Variants in PTPRD observed in about 807,000 individuals in gnomAD.
PTPRD encodes receptor-type tyrosine-protein phosphatase delta.
PTPRD carries 34 observed loss-of-function variants against 214.5 expected under a neutral mutation model. The ratio of observed to expected loss-of-function variants is 0.16; its 90% CI spans 0.12 to 0.21. PTPRD has a LOEUF of 0.21. PTPRD is among the 10% of genes least tolerant of loss of function. PTPRD has a pLI of 1.00. For synonymous variants in PTPRD, 1,128 were observed against 845.7 expected (o/e 1.33, Z -5.79); for missense variants, 2,545 against 2,398.7 (o/e 1.06, Z -1.27).
chr9:9,838,690 G>A (rs2057500362), intron 5 of PTPRD, among the ~76,000 whole-genome samples: 1 of 147,104 alleles, frequency 6.8e-6, no homozygotes, highest in South Asian at 2.1e-4. Context: ...AGTAGGTTGT[G>A]AAAATTTTCT....
chr9:8,437,248 G>T (rs955389801), intron 34 of PTPRD: 1 of 1,507,532 alleles, frequency 6.6e-7, no homozygotes, highest in Non-Finnish European at 8.9e-7. Context: ...ACCTGCAAAG[G>T]AAATGATGGT....
At chr9:8,447,111 C>T (rs1044856690) in intron 34 of PTPRD, among the ~76,000 whole-genome samples, 1 of 152,184 alleles carries the variant, frequency 6.6e-6, no homozygotes, top group Non-Finnish European at 1.5e-5. Context: ...GAATTGCTTA[C>T]CTGAGCTAAA....
chr9:8,644,610 T>A (rs1006499087), intron 12 of PTPRD, among the ~76,000 whole-genome samples: 1 of 152,232 alleles, frequency 6.6e-6, no homozygotes, highest in East Asian at 1.9e-4. Flanking sequence ...TGGGGCCTAG[T>A]GGTTCCTGTT....
At chr9:9,781,548 T>G (rs141916868) in intron 5 of PTPRD, among the ~76,000 whole-genome samples, 1 of 152,138 alleles carries the variant, frequency 6.6e-6, no homozygotes, top group Non-Finnish European at 1.5e-5. Context: ...GTGTGGCTAT[T>G]TGAAGACATG....
chr9:9,303,250 T>A (rs990705636), intron 9 of PTPRD, among the ~76,000 whole-genome samples: 1 of 151,984 alleles, frequency 6.6e-6, no homozygotes. Context: ...CTAATGATAA[T>A]GATGTTAATA....
intron 8 of PTPRD, among the ~76,000 whole-genome samples, chr9:9,428,476 C>A (rs1308704964): frequency 2.0e-5 from 3 of 152,110 alleles, no homozygotes; most frequent in African/African-American, 7.2e-5. Context: ...ATCCTACTGT[C>A]AACATTAGAC....
At chr9:9,529,686 G>C (rs1043497004) in intron 8 of PTPRD, among the ~76,000 whole-genome samples, 1 of 150,718 alleles carries the variant, frequency 6.6e-6, no homozygotes, top group Non-Finnish European at 1.5e-5. Flanking sequence ...CTGGTGGAAA[G>C]GAAAAAAAAT....
chr9:10,476,332 C>T (rs759366510), intron 2 of PTPRD, among the ~76,000 whole-genome samples: 5 of 152,126 alleles, frequency 3.3e-5, no homozygotes, highest in African/African-American at 1.2e-4. Flanking sequence ...CATTCCTATA[C>T]ACCAATAGTA....
At chr9:9,464,261 T>C (rs1232612030) in intron 8 of PTPRD, among the ~76,000 whole-genome samples, 1 of 152,138 alleles carries the variant, frequency 6.6e-6, no homozygotes, top group African/African-American at 2.4e-5. Context: ...TCGTATCCAA[T>C]AGGTAATCTT....
chr9:9,895,015 G>A lies in PTPRD; in HGVS notation c.-368+43492C>T, dbSNP rs184439053. On this transcript the variant is annotated intron_variant, in intron 5 of 45. Coordinates refer to ENST00000381196, the MANE Select transcript of PTPRD (RefSeq NM_002839.4). ...TAGAAAAAAGCAAAGTACAGTCTCC[G>A]GGTACACAATGGGTTGAAATAATGT... is the stretch of plus-strand genomic sequence containing the variant. Among the ~76,000 whole-genome samples, 134 of 151,992 alleles carry A rather than the reference G, an allele frequency of 8.8e-4. 3 individuals are homozygous for A. Among genetic ancestry groups the A allele is most frequent in the African/African-American group, 2.7e-3 (110 of 41,486 alleles).
chr9:10,302,796 C>T (rs539167359), intron 3 of PTPRD, among the ~76,000 whole-genome samples: 15 of 152,278 alleles, frequency 9.9e-5, no homozygotes, highest in East Asian at 1.9e-4. Flanking sequence ...GAGACTTAGA[C>T]GCCCACACAA....
At chr9:8,510,549 C>A (rs867773888) in intron 21 of PTPRD, among the ~76,000 whole-genome samples, 1 of 152,116 alleles carries the variant, frequency 6.6e-6, no homozygotes, top group South Asian at 2.1e-4. Context: ...CAGGTAAAAC[C>A]TTTCCATTCT....
At chr9:9,820,194 C>A (rs568031857) in intron 5 of PTPRD, among the ~76,000 whole-genome samples, 1 of 152,000 alleles carries the variant, frequency 6.6e-6, no homozygotes, top group Non-Finnish European at 1.5e-5. Flanking sequence ...TTGGTGCATA[C>A]GGTATCTCAT....
At chr9:10,461,124 T>G (rs1419073593) in intron 2 of PTPRD, among the ~76,000 whole-genome samples, 1 of 151,822 alleles carries the variant, frequency 6.6e-6, no homozygotes, top group Non-Finnish European at 1.5e-5. Flanking sequence ...TAAAAATGTC[T>G]AACAAGGACA....
chr9:10,279,445 G>C (rs535843903), intron 3 of PTPRD, among the ~76,000 whole-genome samples: 53 of 152,082 alleles, frequency 3.5e-4, no homozygotes, highest in African/African-American at 1.2e-3. Context: ...ATCCCTGAAT[G>C]ATTTCTTGGT....
intron 12 of PTPRD, among the ~76,000 whole-genome samples, chr9:8,712,619 G>A (rs949458011): frequency 1.3e-5 from 2 of 151,582 alleles, no homozygotes; most frequent in East Asian, 3.9e-4. Flanking sequence ...TCCAGCAGGG[G>A]ATAATTTATC....
chr9:9,492,367 C>T (rs1426324108), intron 8 of PTPRD, among the ~76,000 whole-genome samples: 1 of 150,786 alleles, frequency 6.6e-6, no homozygotes, highest in Non-Finnish European at 1.5e-5. Context: ...CCAACTTTTC[C>T]CTAAAAATGA....
chr9:10,510,259 T>C (rs1229614882), intron 2 of PTPRD, among the ~76,000 whole-genome samples: 2 of 152,128 alleles, frequency 1.3e-5, no homozygotes. Context: ...TAGAATCGTT[T>C]TGTCACAGCC....
chr9:8,677,303 C>T (rs2097445335), intron 12 of PTPRD, among the ~76,000 whole-genome samples: 1 of 152,168 alleles, frequency 6.6e-6, no homozygotes, highest in Non-Finnish European at 1.5e-5. Flanking sequence ...GATAAATACA[C>T]TGTGGTATAT....
Sources: allele counts gnomAD v4.1 joint callset (sites outside exome capture counted in the v4.1 genomes callset), GRCh38; gene constraint gnomAD v4.1.1; transcripts MANE v1.5; gene names NCBI Gene and HGNC (gene_info 2026-07-23, HGNC 2026-07-21).